The following SNX4 variants were observed in gnomAD, a reference collection of about 807,000 sequenced individuals.
SNX4 encodes sorting nexin 4.
In SNX4, 49 loss-of-function variants were observed where a neutral mutation model predicts 70.8. The ratio of observed to expected loss-of-function variants is 0.69; its 90% CI spans 0.55 to 0.88. The LOEUF (loss-of-function observed/expected upper bound fraction) is 0.88, where lower values mean the gene tolerates loss of function less well. SNX4 is among the 40% of genes least tolerant of loss of function. The probability of loss-of-function intolerance (pLI) is 0.00; values close to 1 mark genes in which losing one functional copy is unlikely to be tolerated. For synonymous variants in SNX4, 206 were observed against 183.8 expected (o/e 1.12, Z -0.98); for missense variants, 528 against 544.8 (o/e 0.97, Z 0.31).
intron 7 of SNX4, among the ~76,000 whole-genome samples, 196 bp from the exon 8 acceptor site, chr3:125,476,952 T>C (rs533017156): frequency 6.6e-6 from 1 of 152,346 alleles, no homozygotes; most frequent in African/African-American, 2.4e-5. Context: ...TCTTATACTT[T>C]TGTACTTCTT....
At chr3:125,503,993 T>C (rs1580006509) in intron 2 of SNX4, among the ~76,000 whole-genome samples, 1 of 151,918 alleles carries the variant, frequency 6.6e-6, no homozygotes, top group East Asian at 1.9e-4. Flanking sequence ...GCCCAGGAGT[T>C]TGAGACCAGA....
At chr3:125,498,557 C>CCTT (rs1481212229) in intron 2 of SNX4, among the ~76,000 whole-genome samples, 1 of 152,146 alleles carries the variant, frequency 6.6e-6, no homozygotes, top group Non-Finnish European at 1.5e-5. Flanking sequence ...GGGCTTAAGC[C>CCTT]ATCCTCCTGC....
chr3:125,518,871 G>T (rs1362904578), intron 1 of SNX4, among the ~76,000 whole-genome samples: 7 of 152,102 alleles, frequency 4.6e-5, no homozygotes, highest in African/African-American at 1.7e-4. Flanking sequence ...AATTTAGCTG[G>T]GAGTGGTGGC....
intron 13 of SNX4, among the ~76,000 whole-genome samples, chr3:125,449,520 C>CA (rs1372548239): frequency 1.3e-5 from 2 of 151,992 alleles, no homozygotes; most frequent in Non-Finnish European, 2.9e-5. Context: ...CTCAACCTCC[C>CA]AAATAGCTAG....
At chr3:125,462,442 T>C (rs1207923819) in intron 9 of SNX4, among the ~76,000 whole-genome samples, 3 of 151,820 alleles carry the variant, frequency 2.0e-5, no homozygotes, top group Non-Finnish European at 2.9e-5. Context: ...ATACAAAAAT[T>C]AGCTGGACAT....
chr3:125,471,757 C>A (rs778748022), intron 8 of SNX4, among the ~76,000 whole-genome samples: 9 of 152,170 alleles, frequency 5.9e-5, no homozygotes, highest in Non-Finnish European at 1.3e-4. Context: ...AGAGTGAACC[C>A]CACCTATGTA....
chr3:125,473,407 C>A (rs1934222046), intron 8 of SNX4, among the ~76,000 whole-genome samples: 1 of 151,918 alleles, frequency 6.6e-6, no homozygotes, highest in Admixed American at 6.6e-5. Context: ...CTCATCTAAA[C>A]TCAATTCTCT....
intron 11 of SNX4, among the ~76,000 whole-genome samples, chr3:125,456,445 G>A (rs140683690): frequency 1.4e-3 from 213 of 152,186 alleles, no homozygotes; most frequent in African/African-American, 4.8e-3. Context: ...AGGATCACTT[G>A]AGTCCAGGAG....
At chr3:125,481,584 G>T (rs959479755) in intron 6 of SNX4, among the ~76,000 whole-genome samples, 2 of 152,054 alleles carry the variant, frequency 1.3e-5, no homozygotes, top group African/African-American at 4.8e-5. Flanking sequence ...GAGTATCTGG[G>T]ATTATAGGCA....
At chr3:125,469,433 A>G (rs371911225) in intron 9 of SNX4, 21 bp downstream of exon 9, 5 of 1,591,294 alleles carry the variant, frequency 3.1e-6, no homozygotes, top group South Asian at 2.2e-5. Flanking sequence ...CAGGCTTCAC[A>G]AAAGTTCTCG....
chr3:125,493,291 T>C (rs1366596740), intron 5 of SNX4, among the ~76,000 whole-genome samples: 1 of 151,968 alleles, frequency 6.6e-6, no homozygotes, highest in African/African-American at 2.4e-5. Context: ...AAAGGAGAAA[T>C]GTCAATAACC....
At chr3:125,462,771 A>T (rs1309033756) in intron 9 of SNX4, among the ~76,000 whole-genome samples, 2 of 152,190 alleles carry the variant, frequency 1.3e-5, no homozygotes, top group African/African-American at 4.8e-5. Flanking sequence ...GAATTACCAG[A>T]TCTAGATAAT....
At chr3:125,459,499 C>T (rs779698189) in intron 10 of SNX4, among the ~76,000 whole-genome samples, 14 of 152,080 alleles carry the variant, frequency 9.2e-5, no homozygotes, top group African/African-American at 1.9e-4. Context: ...TGTAATGGTG[C>T]GATCTCGGCT....
chr3:125,475,585 A>C (rs181205490), intron 8 of SNX4, among the ~76,000 whole-genome samples: 7 of 152,210 alleles, frequency 4.6e-5, no homozygotes, highest in African/African-American at 1.7e-4. Flanking sequence ...GGCTGGTCTC[A>C]AACTCCTGAC....
chr3:125,511,803 T>C (rs931186215), intron 1 of SNX4, among the ~76,000 whole-genome samples: 6 of 152,082 alleles, frequency 3.9e-5, no homozygotes, highest in Non-Finnish European at 7.4e-5. Context: ...AGAAACTCAG[T>C]GCAGCAAAGG....
intron 5 of SNX4, among the ~76,000 whole-genome samples, chr3:125,491,785 T>C (rs903719661): frequency 2.0e-5 from 3 of 152,186 alleles, no homozygotes; most frequent in Non-Finnish European, 4.4e-5. Flanking sequence ...ATCATCTTGT[T>C]CACTTGATTC....
chr3:125,509,871 C>T lies in SNX4; in HGVS notation c.142-5127G>A, dbSNP rs114071994. 1.9e-3 allele frequency among the ~76,000 whole-genome samples: 283 copies of T among 151,534 alleles called. 2 individuals carry two copies. The highest frequency in any genetic ancestry group is 3.0e-3 in the Non-Finnish European group (206 of 67,882). ...TGAAAAGATAATCAACATCACTCAT[C>T]ATTAGGTAAATGCAAATCAAAACTA... On this transcript the variant is annotated intron_variant, in intron 1 of 13. Coordinates refer to ENST00000251775, the MANE Select transcript of SNX4 (RefSeq NM_003794.4).
At chr3:125,472,086 T>C (rs1253385181) in intron 8 of SNX4, among the ~76,000 whole-genome samples, 3 of 152,200 alleles carry the variant, frequency 2.0e-5, no homozygotes, top group Non-Finnish European at 4.4e-5. Flanking sequence ...TTCATGTCAG[T>C]CCTTTTCTAG....
intron 1 of SNX4, among the ~76,000 whole-genome samples, chr3:125,519,300 T>A (rs2107578405): frequency 6.6e-6 from 1 of 152,164 alleles, no homozygotes; most frequent in African/African-American, 2.4e-5. Flanking sequence ...AGATGATACA[T>A]TTTTCCCCTT....
Sources: allele counts gnomAD v4.1 joint callset (sites outside exome capture counted in the v4.1 genomes callset), GRCh38; gene constraint gnomAD v4.1.1; transcripts MANE v1.5; gene names NCBI Gene and HGNC (gene_info 2026-07-23, HGNC 2026-07-21).